Variants in PFAS observed in about 807,000 individuals in gnomAD.
PFAS encodes the protein FGAM synthase.
In PFAS, 97 loss-of-function variants were observed where a neutral mutation model predicts 140.6. The observed-to-expected ratio is 0.69, with a 90% CI of 0.59 to 0.82. PFAS has a LOEUF of 0.82. Ranked by LOEUF, PFAS falls within the 40% of genes least tolerant of loss-of-function variation. The pLI is 0.00. For synonymous variants in PFAS, 679 were observed against 718.8 expected (o/e 0.94, Z 0.88); for missense variants, 1,656 against 1,780.2 (o/e 0.93, Z 1.26).
chr17:8,269,229 A>G lies in PFAS; in HGVS notation c.3982A>G (p.Asn1328Asp), dbSNP rs777129898. The G allele has an allele frequency of 6.2e-7, 1 of 1,612,076 alleles. No individual in the cohort carries two copies. Among genetic ancestry groups the G allele is most frequent in the South Asian group, 1.1e-5 (1 of 90,956 alleles). The change falls in exon 28 of 28, where the codon AAT (asparagine) becomes GAT (aspartate). Residue 1328 changes from asparagine to aspartate, a missense_variant. Asn to Asp is a conservative substitution (Grantham distance 23). Transcript: ENST00000314666. ...CTCCCCCTGGCTCCAGCTCTTTATC[A>G]ATGCCCGAAACTGGACCCTGGAAGG... is the stretch of plus-strand genomic sequence containing the variant. ...TTSPWLQLFI[N>D]ARNWTLEGSC
chr17:8,267,852 G>GTA lies in PFAS; in HGVS notation c.3382+196_3382+197dup, dbSNP rs1001727047. ...TTTTTAATTTTTTCATTGAAAAAAA[G>GTA]TATATATATACACATATGTAATTAA... On this transcript the variant is annotated intron_variant, in intron 26 of 27. Transcript: ENST00000314666. The surrounding 1 kb of genome is among the most constrained non-coding windows in gnomAD (Gnocchi z 4.9). Among the ~76,000 whole-genome samples, 3 of 146,276 alleles carry GTA rather than the reference G, an allele frequency of 2.1e-5. No individual in the cohort carries two copies. Among genetic ancestry groups the GTA allele is most frequent in the African/African-American group, 7.5e-5 (3 of 39,750 alleles).
rs1016728128 is a variant in PFAS, at chr17:8,267,979, T to A, written c.3382+314T>A. Among the ~76,000 whole-genome samples the A allele has an allele frequency of 5.5e-5, 8 of 144,364 alleles. No homozygotes were observed. Among genetic ancestry groups the A allele is most frequent in the African/African-American group, 1.8e-4 (7 of 39,560 alleles). 94.7% of individuals were successfully genotyped at this position (144,364 alleles called of 152,430 possible). ...TAAAATATATATTATTTATATATAT[T>A]ATTTATATATTATTAAAATATATTA... On this transcript the variant is annotated intron_variant, in intron 26 of 27. Coordinates refer to ENST00000314666, the MANE Select transcript of PFAS (RefSeq NM_012393.3). The surrounding 1 kb of genome is among the most constrained non-coding windows in gnomAD (Gnocchi z 4.9).
chr17:8,255,932 C>T (rs1989344560), intron 6 of PFAS, 22 bp downstream of exon 6: 1 of 1,550,084 alleles, frequency 6.5e-7, no homozygotes, highest in Non-Finnish European at 8.9e-7. Context: ...TGGGGTTGTT[C>T]CCATACCTGA....
chr17:8,264,382 C>T, intron 16 of PFAS, 45 bp downstream of exon 16: 5 of 1,612,564 alleles, frequency 3.1e-6, no homozygotes, highest in Non-Finnish European at 4.2e-6. Flanking sequence ...GTCCTCTCCA[C>T]ACCACCCTTT....
intron 11 of PFAS, among the ~76,000 whole-genome samples, chr17:8,261,831 G>T (rs1000933237): frequency 6.6e-6 from 1 of 151,234 alleles, no homozygotes; most frequent in South Asian, 2.1e-4. Context: ...GGCTGGTCTC[G>T]AATTCCTGAG....
At position 8,255,626 on chromosome 17, in the gene PFAS, T is replaced by G; in HGVS notation, c.509T>G (p.Leu170Arg). Reference sequence around the variant, plus strand: ...TCCCCTGAGAGCATGCCGGAACCCCTCAATGGCCCTATCAATATACTGGGT... The same window carrying G: ...TCCCCTGAGAGCATGCCGGAACCCCGCAATGGCCCTATCAATATACTGGGT... ...SFSPESMPEP[L>R]NGPINILGEG... The change falls in exon 5 of 28, where the codon CTC (leucine) becomes CGC (arginine). Residue 170 changes from leucine (L) to arginine (R), a missense_variant. Coordinates refer to ENST00000314666, the MANE Select transcript of PFAS (RefSeq NM_012393.3). 6.3e-7 allele frequency: 1 copy of G among 1,581,406 alleles called. No individual in the cohort carries two copies. The highest frequency in any genetic ancestry group is 8.6e-7 in the Non-Finnish European group (1 of 1,166,540).
chr17:8,254,770 C>G (rs1211081737), intron 3 of PFAS, among the ~76,000 whole-genome samples: 1 of 152,156 alleles, frequency 6.6e-6, no homozygotes, highest in Non-Finnish European at 1.5e-5. Flanking sequence ...CGCCACTGCA[C>G]TCTAGCCTGG....
chr17:8,259,189 C>T (rs934258257), intron 11 of PFAS, among the ~76,000 whole-genome samples: 7 of 150,938 alleles, frequency 4.6e-5, no homozygotes, highest in African/African-American at 1.5e-4. Context: ...TGTAACATGG[C>T]ATACCGTTTT....
At chr17:8,254,390 T>C in intron 3 of PFAS, 89 bp downstream of exon 3, 2 of 1,467,474 alleles carry the variant, frequency 1.4e-6, no homozygotes, top group East Asian at 2.3e-5. Context: ...CTTTGCTCTT[T>C]GCTACTTCCT....
chr17:8,251,235 G>A (rs1389534879), intron 1 of PFAS, among the ~76,000 whole-genome samples: 1 of 152,048 alleles, frequency 6.6e-6, no homozygotes, highest in Non-Finnish European at 1.5e-5. Flanking sequence ...GCAGTGAGCC[G>A]AGATCGTGCC....
In PFAS at chr17:8,266,064, C is replaced by T; in HGVS notation, c.2701+47C>T. 1 of 1,555,166 alleles carries T rather than the reference C, an allele frequency of 6.4e-7. No individual in the cohort carries two copies. The highest frequency in any genetic ancestry group is 8.7e-7 in the Non-Finnish European group (1 of 1,143,916). On this transcript the variant is annotated intron_variant, in intron 21 of 27. Transcript: ENST00000314666. The surrounding 1 kb of genome is among the most constrained non-coding windows in gnomAD (Gnocchi z 5.0). ...GATAGCGCACAGGGTGCCAGGCGTGCAGCAGGCGTTCACCATCTGAGCAGT... is the reference window on the plus strand; with the variant it reads ...GATAGCGCACAGGGTGCCAGGCGTGTAGCAGGCGTTCACCATCTGAGCAGT...
At chr17:8,262,644 A>G (rs1989637077) in intron 11 of PFAS, 2 of 347,464 alleles carry the variant, frequency 5.8e-6, no homozygotes, top group Admixed American at 4.2e-5. Flanking sequence ...AAAAATACAA[A>G]AATTAGCCGG....
In PFAS at chr17:8,255,603, C is replaced by T; in HGVS notation, c.486C>T (p.Ser162=). The change falls in exon 5 of 28, where the codon TCC becomes TCT. Residue 162 remains serine, a synonymous_variant. Transcript: ENST00000314666. ...QHFPHPIQSF[S]PESMPEPLNG... is the part of the protein sequence containing the mutation. ...TCCCCCATCCCATCCAGAGTTTCTC[C>T]CCTGAGAGCATGCCGGAACCCCTCA... is the stretch of plus-strand genomic sequence containing the variant. 6.3e-7 allele frequency: 1 copy of T among 1,581,470 alleles called. No homozygotes were observed. Among genetic ancestry groups the T allele is most frequent in the Non-Finnish European group, 8.6e-7 (1 of 1,166,388 alleles).
chr17:8,262,878 G>C (rs753264274), intron 11 of PFAS, 42 bp from the exon 12 acceptor site: 1 of 1,525,250 alleles, frequency 6.6e-7, no homozygotes, highest in African/African-American at 1.4e-5. Context: ...GCCTCTTCTC[G>C]TGGCTTCCCC....
In PFAS at chr17:8,266,733, T is replaced by TC. The variant is rs1032232265; in HGVS notation, c.2822-16dup. ...TTGGCCCTTCTTGCATCCCCCTGAC[T>TC]CCCCACATTGCTCTCCCAGTCCTGT... On this transcript the variant is annotated intron_variant, in intron 22 of 27. Coordinates refer to ENST00000314666, the MANE Select transcript of PFAS (RefSeq NM_012393.3). The surrounding 1 kb of genome is among the most constrained non-coding windows in gnomAD (Gnocchi z 5.0). 6.3e-7 allele frequency: 1 copy of TC among 1,582,470 alleles called. No homozygotes were observed. The highest frequency in any genetic ancestry group is 1.4e-5 in the African/African-American group (1 of 74,030).
intron 15 of PFAS, 96 bp from the exon 16 acceptor site, chr17:8,264,116 G>T (rs1989708467): frequency 6.5e-7 from 1 of 1,547,456 alleles, no homozygotes; most frequent in Non-Finnish European, 8.9e-7. Flanking sequence ...AACCAAACAA[G>T]GAGTGGAAAG....
At position 8,262,938 on chromosome 17, in the gene PFAS, T is replaced by A; in HGVS notation, c.1355T>A (p.Val452Asp). 6.2e-7 allele frequency: 1 copy of A among 1,614,008 alleles called. No homozygotes were observed. ...CTTACAGGCATGGAAGTTGTAAAGG[T>A]TGGAGGTCCCGTCTACAGGATTGGA... ...APEPGMEVVK[V>D]GGPVYRIGVG... The change falls in exon 12 of 28, where the codon GTT (valine) becomes GAT (aspartate). Residue 452 changes from valine (V) to aspartate (D), a missense_variant. Val to Asp is a radical substitution (Grantham distance 152). Transcript: ENST00000314666.
At position 8,267,091 on chromosome 17, in the gene PFAS, T is replaced by TG; in HGVS notation, c.3034dup (p.Glu1012GlyfsTer46). On this transcript the variant is annotated frameshift_variant, in exon 24 of 28. Transcript: ENST00000314666. LOFTEE classifies it high-confidence loss of function. The surrounding 1 kb of genome is among the most constrained non-coding windows in gnomAD (Gnocchi z 4.9). ...GCCTGTTGGGGAGCTGCGAGCCCTC[T>TG]GGGAGGAGACGAGTTTCCAGCTGGA... 1 of 1,613,970 alleles carries TG rather than the reference T, an allele frequency of 6.2e-7. No individual in the cohort carries two copies. The highest frequency in any genetic ancestry group is 8.5e-7 in the Non-Finnish European group (1 of 1,179,990).
rs1329806853 is a variant in PFAS, at chr17:8,267,983, TATATATTATTAAA to T, written c.3382+329_3382+341del. 2.4e-4 allele frequency among the ~76,000 whole-genome samples: 35 copies of T among 144,202 alleles called. No individual in the cohort carries two copies. Among genetic ancestry groups the T allele is most frequent in the African/African-American group, 8.6e-4 (34 of 39,624 alleles). The allele number at this position is 144,202 out of a possible 152,430, so 94.6% of individuals were successfully genotyped here. A position where few individuals can be genotyped will look rare whatever the true frequency, so the allele number is the denominator to read the frequency against. On this transcript the variant is annotated intron_variant, in intron 26 of 27. Coordinates refer to ENST00000314666, the MANE Select transcript of PFAS (RefSeq NM_012393.3). This position sits in a 1 kb window ranked among gnomAD's most constrained non-coding sequence, Gnocchi z 4.9. ...ATATATATTATTTATATATATTATT[TATATATTATTAAA>T]ATATATTATTTATATATATTATTTA...
Sources: allele counts gnomAD v4.1 joint callset (sites outside exome capture counted in the v4.1 genomes callset), GRCh38; gene constraint gnomAD v4.1.1; non-coding constraint Gnocchi (gnomAD v3.1); transcripts MANE v1.5; gene names NCBI Gene and HGNC (gene_info 2026-07-23, HGNC 2026-07-21).